Variants in CTTNBP2 observed in about 807,000 individuals in gnomAD.
The protein encoded by CTTNBP2 is cortactin binding protein 2.
CTTNBP2 carries 108 observed loss-of-function variants against 156.9 expected under a neutral mutation model. The observed-to-expected ratio is 0.69, with a 90% confidence interval of 0.59 to 0.81. CTTNBP2 has a LOEUF of 0.81. Ranked by LOEUF, CTTNBP2 falls within the 30% of genes least tolerant of loss-of-function variation. The pLI is 0.00. For synonymous variants in CTTNBP2, 767 were observed against 751.8 expected (o/e 1.02, Z -0.33); for missense variants, 1,924 against 2,035.4 (o/e 0.95, Z 1.05).
chr7:117,716,246 G>A (rs1249558602), intron 22 of CTTNBP2, among the ~76,000 whole-genome samples: 1 of 147,848 alleles, frequency 6.8e-6, no homozygotes, highest in African/African-American at 2.5e-5. Context: ...TTTTTTTTGT[G>A]GACAGTACCT....
chr7:117,756,122 G>A (rs1796871129), intron 12 of CTTNBP2, among the ~76,000 whole-genome samples: 1 of 152,162 alleles, frequency 6.6e-6, no homozygotes, highest in Non-Finnish European at 1.5e-5. Context: ...TGTTTAAGCT[G>A]TAATTATTTG....
At chr7:117,757,679 G>T (rs896601005) in intron 11 of CTTNBP2, among the ~76,000 whole-genome samples, 196 bp downstream of exon 11, 1 of 151,968 alleles carries the variant, frequency 6.6e-6, no homozygotes, top group Non-Finnish European at 1.5e-5. Flanking sequence ...CATTACCATG[G>T]GTGTCAAGAA....
At chr7:117,756,453 T>TG (rs978759201) in intron 12 of CTTNBP2, 102 bp downstream of exon 12, 26 of 844,038 alleles carry the variant, frequency 3.1e-5, no homozygotes, top group Non-Finnish European at 3.7e-5. Context: ...GAGCACAGGG[T>TG]GGGGGGGCTT....
intron 9 of CTTNBP2, among the ~76,000 whole-genome samples, chr7:117,766,472 A>G: frequency 6.6e-6 from 1 of 152,244 alleles, no homozygotes; most frequent in East Asian, 1.9e-4. Flanking sequence ...CTTATCCTAA[A>G]ATTGAATTAC....
chr7:117,753,107 T>C (rs896501556), intron 12 of CTTNBP2, among the ~76,000 whole-genome samples: 8 of 151,876 alleles, frequency 5.3e-5, no homozygotes, highest in African/African-American at 1.5e-4. Flanking sequence ...AGGACATGAG[T>C]AGACAATTCT....
intron 2 of CTTNBP2, among the ~76,000 whole-genome samples, chr7:117,840,427 A>G (rs896783145): frequency 6.6e-6 from 1 of 151,972 alleles, no homozygotes; most frequent in African/African-American, 2.4e-5. Context: ...TGGAGAGGCC[A>G]CCTGGGGAGG....
chr7:117,813,325 G>T (rs1441679109), intron 2 of CTTNBP2, among the ~76,000 whole-genome samples: 1 of 152,078 alleles, frequency 6.6e-6, no homozygotes, highest in Non-Finnish European at 1.5e-5. Context: ...TGGGCTTTTT[G>T]TTCAAAATTA....
At chr7:117,738,150 G>A (rs1158915652) in intron 14 of CTTNBP2, among the ~76,000 whole-genome samples, 1 of 152,186 alleles carries the variant, frequency 6.6e-6, no homozygotes, top group African/African-American at 2.4e-5. Flanking sequence ...CCCATCCCCA[G>A]TGATTCTCAG....
intron 2 of CTTNBP2, among the ~76,000 whole-genome samples, chr7:117,811,841 TAAATTAAAATTTTAATGTA>T (rs1405001967): frequency 9.0e-4 from 51 of 56,832 alleles, no homozygotes; most frequent in Non-Finnish European, 8.7e-4. Flanking sequence ...AAATTTTAAT[TAAATTAAAATTTTAATGTA>T]AAAATTTTAA....
At chr7:117,720,980 A>AT in intron 20 of CTTNBP2, 87 bp downstream of exon 20, 1 of 892,496 alleles carries the variant, frequency 1.1e-6, no homozygotes, top group African/African-American at 1.7e-5. Flanking sequence ...AGTCATTCAA[A>AT]TGAGAACATG....
chr7:117,713,876 C>A (rs941278246), intron 22 of CTTNBP2: 1 of 152,126 alleles, frequency 6.6e-6, no homozygotes, highest in Non-Finnish European at 1.5e-5. Context: ...ACTGAAACAA[C>A]AAATATGTAA....
At position 117,820,463 on chromosome 7, in the gene CTTNBP2, T is replaced by C. The variant is rs369338911; in HGVS notation, c.190-9474A>G. ...CTTCTATTTAATAGCAAGAAACCTT[T>C]GTCTAATTTGAAGTCTAAAGATTTT... On this transcript the variant is annotated intron_variant, in intron 2 of 22. Transcript: ENST00000160373. 1.3e-3 allele frequency among the ~76,000 whole-genome samples: 197 copies of C among 152,384 alleles called. No individual in the cohort carries two copies. In the South Asian group the frequency reaches 0.015, roughly 11 times the overall value.
At chr7:117,797,749 C>T (rs1056962972) in intron 3 of CTTNBP2, among the ~76,000 whole-genome samples, 3 of 150,082 alleles carry the variant, frequency 2.0e-5, no homozygotes, top group Non-Finnish European at 4.4e-5. Context: ...AGCAAGTATT[C>T]GATTTGAAGA....
At chr7:117,754,762 A>G (rs1273993515) in intron 12 of CTTNBP2, among the ~76,000 whole-genome samples, 1 of 152,228 alleles carries the variant, frequency 6.6e-6, no homozygotes, top group Non-Finnish European at 1.5e-5. Context: ...TAGAATCAAC[A>G]ACAGTTTTGG....
chr7:117,842,978 A>C (rs1238502660), intron 2 of CTTNBP2, among the ~76,000 whole-genome samples: 1 of 152,220 alleles, frequency 6.6e-6, no homozygotes, highest in Non-Finnish European at 1.5e-5. Flanking sequence ...TAGTATAGTC[A>C]GCCCTCTGTA....
chr7:117,817,218 C>G (rs1325361290), intron 2 of CTTNBP2, among the ~76,000 whole-genome samples: 2 of 150,006 alleles, frequency 1.3e-5, no homozygotes, highest in African/African-American at 4.9e-5. Flanking sequence ...CCTGTAGTCC[C>G]AGCTACTCGA....
At chr7:117,773,665 A>G in intron 8 of CTTNBP2, among the ~76,000 whole-genome samples, 1 of 137,794 alleles carries the variant, frequency 7.3e-6, no homozygotes, top group East Asian at 2.0e-4. Context: ...ACACACACAC[A>G]CACACACACA....
intron 1 of CTTNBP2, among the ~76,000 whole-genome samples, chr7:117,865,811 C>A (rs1264634699): frequency 6.7e-6 from 1 of 150,358 alleles, no homozygotes; most frequent in Non-Finnish European, 1.5e-5. Context: ...TCTGGCATGG[C>A]AGCTTCAACT....
At chr7:117,809,188 TA>T (rs11299673) in intron 3 of CTTNBP2, among the ~76,000 whole-genome samples, 97,438 of 150,314 alleles carry the variant, frequency 0.65, 32,001 homozygotes, top group East Asian at 0.97. Flanking sequence ...TAAGTTGATT[TA>T]AAAAAAAAAA....
Sources: allele counts gnomAD v4.1 joint callset (sites outside exome capture counted in the v4.1 genomes callset), GRCh38; gene constraint gnomAD v4.1.1; transcripts MANE v1.5; gene names NCBI Gene and HGNC (gene_info 2026-07-23, HGNC 2026-07-21).